CILK1: variants seen among roughly 807,000 people sequenced by gnomAD.
CILK1 encodes serine/threonine-protein kinase ICK.
A neutral mutation model predicts 79.2 loss-of-function variants in CILK1; 47 were observed. The observed-to-expected ratio is 0.59, with a 90% CI of 0.47 to 0.76. The LOEUF (loss-of-function observed/expected upper bound fraction) is 0.76. CILK1 is among the 30% of genes least tolerant of loss of function. The pLI is 0.00. For synonymous variants in CILK1, 266 were observed against 275.9 expected (o/e 0.96, Z 0.36); for missense variants, 660 against 769.5 (o/e 0.86, Z 1.68).
At chr6:53,056,917 G>A (rs1304461444) in intron 1 of CILK1, among the ~76,000 whole-genome samples, 1 of 152,104 alleles carries the variant, frequency 6.6e-6, no homozygotes, top group Non-Finnish European at 1.5e-5. Flanking sequence ...CCAAAATTAT[G>A]ACTCCTTCTA....
intron 5 of CILK1, among the ~76,000 whole-genome samples, chr6:53,024,026 G>A (rs1297888208): frequency 6.6e-6 from 1 of 152,166 alleles, no homozygotes; most frequent in Non-Finnish European, 1.5e-5. Context: ...ACAATCCAAG[G>A]CATTGATGAG....
rs1322199651 is a variant in CILK1 at position 53,018,378 on chromosome 6, T to G, written c.615A>C (p.Glu205Asp). The change falls in exon 7 of 14, where the codon GAA (glutamate) becomes GAC (aspartate). Residue 205 changes from glutamate (E) to aspartate (D), a missense_variant. Glu to Asp is a conservative substitution (Grantham distance 45). Transcript: ENST00000676107. ...TLRPLFPGASEIDTIFKICQV... is the reference protein window; with the variant it reads ...TLRPLFPGASDIDTIFKICQV... ...GGCAAATTTTGAATATTGTGTCAAT[T>G]TCACTGGCTCCAGGGAAGAGTGGCC... 6.2e-7 allele frequency: 1 copy of G among 1,614,068 alleles called. No individual in the cohort carries two copies. The highest frequency in any genetic ancestry group is 8.5e-7 in the Non-Finnish European group (1 of 1,180,040).
chr6:53,054,565 C>T (rs1725483691), intron 1 of CILK1: 1 of 152,256 alleles, frequency 6.6e-6, no homozygotes, highest in African/African-American at 2.4e-5. Context: ...ACAGTGAATA[C>T]CACAGAATAG....
At chr6:53,034,804 T>C (rs544130291) in intron 3 of CILK1, among the ~76,000 whole-genome samples, 2 of 152,186 alleles carry the variant, frequency 1.3e-5, no homozygotes, top group East Asian at 3.9e-4. Context: ...CCATCAGAGA[T>C]GTGTCAAGGA....
intron 1 of CILK1, among the ~76,000 whole-genome samples, chr6:53,045,985 TTTC>T (rs1207686603): frequency 6.6e-6 from 1 of 152,196 alleles, no homozygotes; most frequent in Non-Finnish European, 1.5e-5. Context: ...TTAGAATATT[TTTC>T]TTCATGTCCA....
At chr6:53,014,361 T>C (rs1473657969) in intron 8 of CILK1, among the ~76,000 whole-genome samples, 1 of 152,178 alleles carries the variant, frequency 6.6e-6, no homozygotes, top group African/African-American at 2.4e-5. Context: ...AATACAAAAC[T>C]GAAAGAGCCA....
chr6:53,017,940 T>C (rs1217569676), intron 7 of CILK1, among the ~76,000 whole-genome samples: 2 of 152,094 alleles, frequency 1.3e-5, no homozygotes, highest in East Asian at 1.9e-4. Flanking sequence ...TTTGAGGTGA[T>C]GGTGAGGGAG....
chr6:53,026,369 G>A (rs962625115), intron 5 of CILK1, among the ~76,000 whole-genome samples: 4 of 152,034 alleles, frequency 2.6e-5, no homozygotes, highest in Non-Finnish European at 4.4e-5. Context: ...GGCTGGTCTC[G>A]AACTCCTGAC....
intron 4 of CILK1, among the ~76,000 whole-genome samples, chr6:53,032,047 G>T (rs1766002161): frequency 6.6e-6 from 1 of 152,194 alleles, no homozygotes; most frequent in South Asian, 2.1e-4. Context: ...TGATGAGGCT[G>T]GTCGTGACCT....
chr6:53,028,176 C>T (rs1034960715), intron 5 of CILK1, among the ~76,000 whole-genome samples: 133 of 139,814 alleles, frequency 9.5e-4, no homozygotes, highest in African/African-American at 3.5e-3. Flanking sequence ...ATTAGCCGGG[C>T]GTGGTGGCAT....
chr6:53,005,165 T>C lies in CILK1; in HGVS notation c.1883A>G (p.Tyr628Cys). Residue 628 changes from tyrosine to cysteine, a missense_variant, in exon 14 of 14, where the codon TAC (tyrosine) becomes TGC (cysteine). Coordinates refer to ENST00000676107, the MANE Select transcript of CILK1 (RefSeq NM_014920.5). ...VHGRTDWASK[Y>C]ASRR ...GGCAGACAGTCATCGCCGAGATGCG[T>C]ACTTGGAAGCCCAGTCTGTCCGGCC... 2 of 1,614,170 alleles carry C rather than the reference T, an allele frequency of 1.2e-6. No individual in the cohort carries two copies. The highest frequency in any genetic ancestry group is 2.2e-5 in the South Asian group (2 of 91,082).
chr6:53,007,775 C>CAAA (rs563172663), intron 12 of CILK1, among the ~76,000 whole-genome samples: 1 of 130,360 alleles, frequency 7.7e-6, no homozygotes, highest in Non-Finnish European at 1.7e-5. Flanking sequence ...ACTAAAAATA[C>CAAA]AAAAAAAAAA....
In CILK1 at chr6:53,023,794, T is replaced by C. The variant is rs148786598; in HGVS notation, c.359-4435A>G. ...TCATTCTAAAGACAACAGTACTTAATACTGGGTCAAGTTCCAAATGGATAG... is the reference window on the plus strand; with the variant it reads ...TCATTCTAAAGACAACAGTACTTAACACTGGGTCAAGTTCCAAATGGATAG... On this transcript the variant is annotated intron_variant, in intron 5 of 13. Coordinates refer to ENST00000676107, the MANE Select transcript of CILK1 (RefSeq NM_014920.5). 2.2e-4 allele frequency among the ~76,000 whole-genome samples: 34 copies of C among 152,354 alleles called. No homozygotes were observed. The East Asian group carries it at 5.4e-3, about 24-fold the overall frequency.
intron 11 of CILK1, among the ~76,000 whole-genome samples, chr6:53,009,924 C>T (rs920888889): frequency 3.3e-5 from 5 of 152,176 alleles, no homozygotes; most frequent in Admixed American, 3.3e-4. Flanking sequence ...CCATGGCCTC[C>T]AACTCTGCAG....
intron 8 of CILK1, among the ~76,000 whole-genome samples, chr6:53,015,280 G>C (rs1764827552): frequency 6.6e-6 from 1 of 152,154 alleles, no homozygotes; most frequent in South Asian, 2.1e-4. Flanking sequence ...CACAAAAGGA[G>C]GCTTGCAAGA....
Position 53,006,245 on chromosome 6 carries a change from C to A in CILK1, c.1744+70G>T, listed in dbSNP as rs1448946360. 6.8e-6 allele frequency: 10 copies of A among 1,481,256 alleles called. No individual in the cohort carries two copies. In the East Asian group the frequency reaches 9.1e-5, roughly 14 times the overall value. The allele number at this position is 1,481,256 out of a possible 1,614,324, so 91.8% of individuals were successfully genotyped here. ...TGGTGGATCCCAGGCCTAAAACATG[C>A]CTGGCACAAAGCAGTTGTTGAGTAA... On this transcript the variant is annotated intron_variant, in intron 13 of 13. Transcript: ENST00000676107.
intron 7 of CILK1, among the ~76,000 whole-genome samples, chr6:53,017,781 T>A (rs1228586517): frequency 6.6e-6 from 1 of 151,834 alleles, no homozygotes; most frequent in African/African-American, 2.4e-5. Context: ...ACCGCTTAGA[T>A]GAAGGGAAAG....
rs531556138 is a variant in CILK1, at chr6:53,020,293, A to G, written c.359-934T>C. On this transcript the variant is annotated intron_variant, in intron 5 of 13. Coordinates refer to ENST00000676107, the MANE Select transcript of CILK1 (RefSeq NM_014920.5). ...ACTCAAACGCCCAGTGAATTGCAAT[A>G]TATGTCTCTGAAAACCCCAAACCTC... 1.4e-3 allele frequency among the ~76,000 whole-genome samples: 215 copies of G among 152,292 alleles called. 2 individuals are homozygous for G. Among genetic ancestry groups the G allele is most frequent in the Non-Finnish European group, 1.5e-3 (102 of 68,024 alleles).
In CILK1 at chr6:53,012,020, G is replaced by A; in HGVS notation, c.1343+17C>T. The A allele has an allele frequency of 6.2e-7, 1 of 1,614,068 alleles. No individual in the cohort carries two copies. Among genetic ancestry groups the A allele is most frequent in the South Asian group, 1.1e-5 (1 of 91,088 alleles). On this transcript the variant is annotated intron_variant, in intron 10 of 13. Coordinates refer to ENST00000676107, the MANE Select transcript of CILK1 (RefSeq NM_014920.5). ...TTCCAGATTCAGTCTGTTTACAAAT[G>A]TGAGCAGCACACTTGCCTGCAGAGA...
Sources: gnomAD v4.1 joint callset for allele counts (sites outside exome capture counted in the v4.1 genomes callset) on GRCh38, gnomAD v4.1.1 for gene constraint, MANE v1.5 for transcripts, NCBI Gene and HGNC (gene_info 2026-07-23, HGNC 2026-07-21) for gene names.